The following HLA-F variants were observed in gnomAD, a reference collection of about 807,000 sequenced individuals.
HLA-F encodes the protein major histocompatibility complex, class I, F.
HLA-F carries 46 observed loss-of-function variants against 49.5 expected under a neutral mutation model. The observed-to-expected ratio is 0.93, with a 90% CI of 0.73 to 1.19. The LOEUF is 1.19. Among genes scored for constraint, HLA-F ranks in the 50% most tolerant of loss-of-function variants. HLA-F has a pLI of 0.00. For synonymous variants in HLA-F, 203 were observed against 233.5 expected (o/e 0.87, Z 1.19); for missense variants, 496 against 579.6 (o/e 0.86, Z 1.48).
intron 3 of HLA-F, among the ~76,000 whole-genome samples, chr6:29,737,218 C>CAAAAAAAAAAAAAAAAAAA (rs3030698): frequency 9.2e-5 from 6 of 65,202 alleles, no homozygotes; most frequent in African/African-American, 1.5e-4. Context: ...ATCCTCATGG[C>CAAAAAAAAAAAAAAAAAAA]AAAAAAAAAA....
chr6:29,730,147 A>G (rs1776445919), downstream of HLA-F, among the ~76,000 whole-genome samples: 1 of 152,208 alleles, frequency 6.6e-6, no homozygotes, highest in South Asian at 2.1e-4. Flanking sequence ...CAATGGCCAA[A>G]AGGTGGAAGC....
downstream of HLA-F, chr6:29,727,943 C>CT (rs750254585): frequency 1.9e-6 from 1 of 518,620 alleles, no homozygotes; most frequent in South Asian, 1.4e-5. Flanking sequence ...TTCCGGATCA[C>CT]TTTCCCTCTA....
chr6:29,725,484 C>T lies in HLA-F; in HGVS notation c.924C>T (p.Ile308=), dbSNP rs16895512. The T allele has an allele frequency of 4.3e-6, 7 of 1,614,010 alleles. No homozygotes were observed. The highest frequency in any genetic ancestry group is 4.5e-5 in the East Asian group (2 of 44,888). The change falls in exon 5 of 7, where the codon ATC becomes ATT. Residue 308 remains isoleucine (I), a synonymous_variant. Transcript: ENST00000259951. ...AGCCCACCATCCCCATCGTGGGCAT[C>T]GTTGCTGGCCTTGTTGTCCTTGGAG... ...SPQPTIPIVG[I]VAGLVVLGAV...
In HLA-F at chr6:29,726,361, C is replaced by T. The variant is rs776910487; in HGVS notation, c.1036+318C>T. The T allele has an allele frequency of 5.0e-6, 8 of 1,606,972 alleles. No homozygotes were observed. In the Admixed American group the frequency reaches 1.3e-4, roughly 27 times the overall value. ...GGGCTATTTAGAGTGTTACCTCTCA[C>T]TGTGACTGATACGAATTTGTTCATG... is the stretch of plus-strand genomic sequence containing the variant. On this transcript the variant is annotated intron_variant, in intron 6 of 6. Transcript: ENST00000259951.
At chr6:29,728,699 C>A (rs150248427), downstream of HLA-F, 1 of 152,180 alleles carries the variant, frequency 6.6e-6, no homozygotes, top group Non-Finnish European at 1.5e-5. Flanking sequence ...TCCCAGACAG[C>A]AGCTCAAAAT....
Position 29,727,145 on chromosome 6 carries a change from GA to G in HLA-F, c.1303del (p.Arg435GlyfsTer12). Reference sequence around the variant, plus strand: ...TTCTTCGTTCTTGGCACCATCTTATGAAAAGGGTCCAGATTAAGATTTTTGA... The same window carrying G: ...TTCTTCGTTCTTGGCACCATCTTATGAAAGGGTCCAGATTAAGATTTTTGA... ...FLLRSWHHLM[K>X]RVQIKIFD On this transcript the variant is annotated frameshift_variant, in exon 7 of 7. Coordinates refer to ENST00000259951, the MANE Select transcript of HLA-F (RefSeq NM_001098479.2). LOFTEE classifies it high-confidence loss of function. 1.2e-6 allele frequency: 2 copies of G among 1,602,420 alleles called. No homozygotes were observed. Among genetic ancestry groups the G allele is most frequent in the South Asian group, 1.1e-5 (1 of 89,084 alleles).
Position 29,727,179 on chromosome 6 carries a change from A to T in HLA-F, c.*4A>T. 6.4e-7 allele frequency: 1 copy of T among 1,567,204 alleles called. No individual in the cohort carries two copies. Among genetic ancestry groups the T allele is most frequent in the Non-Finnish European group, 8.6e-7 (1 of 1,161,694 alleles). On this transcript the variant is annotated 3_prime_UTR_variant, in exon 7 of 7. Transcript: ENST00000259951. ...CCAGATTAAGATTTTTGACTGAGTC[A>T]TTCTAAAGTAAGTTGCAAGACCCAT... is the stretch of plus-strand genomic sequence containing the variant.
rs376122956 is a variant in HLA-F, at chr6:29,734,541, TAGG to T, written c.404-3578_404-3576del. On this transcript the variant is annotated intron_variant, in intron 3 of 4. Transcript: ENST00000465459. Reference sequence around the variant, plus strand: ...CAGAAGAACAAGGGTGAGCTCTGAGTAGGAGATGACATCCTGAGGGGGAAAGAC... The same window carrying T: ...CAGAAGAACAAGGGTGAGCTCTGAGTAGATGACATCCTGAGGGGGAAAGAC... 8.5e-5 allele frequency among the ~76,000 whole-genome samples: 13 copies of T among 152,214 alleles called. No individual in the cohort carries two copies. The South Asian group carries it at 1.5e-3, about 17-fold the overall frequency.
rs111228498 is a variant in HLA-F, at chr6:29,727,055, C to T, written c.1209C>T (p.Asn403=). The change falls in exon 7 of 7, where the codon AAC becomes AAT. Residue 403 remains asparagine (N), a synonymous_variant. Coordinates refer to ENST00000259951, the MANE Select transcript of HLA-F (RefSeq NM_001098479.2). Reference sequence around the variant, plus strand: ...TTTTGTGGCTGTGGACATCTTTCAACACTGCCTTCTTGGCCTTGCAAAGCC... The same window carrying T: ...TTTTGTGGCTGTGGACATCTTTCAATACTGCCTTCTTGGCCTTGCAAAGCC... ...LFFLWLWTSF[N]TAFLALQSLR... 3.8e-4 allele frequency: 619 copies of T among 1,613,248 alleles called. 7 individuals carry two copies. The highest frequency in any genetic ancestry group is 3.8e-3 in the Middle Eastern group (23 of 6,046).
Position 29,726,899 on chromosome 6 carries a change from C to T in HLA-F, c.1053C>T (p.Ser351=), listed in dbSNP as rs778687923. 1.2e-5 allele frequency: 20 copies of T among 1,603,848 alleles called. No individual in the cohort carries two copies. Among genetic ancestry groups the T allele is most frequent in the Admixed American group, 1.7e-5 (1 of 59,984 alleles). Residue 351 remains serine (S), a synonymous_variant, in exon 7 of 7, where the codon AGC becomes AGT. Coordinates refer to ENST00000259951, the MANE Select transcript of HLA-F (RefSeq NM_001098479.2). The stretch of plus-strand genomic sequence containing the variant: ...TCTTCACAGCCTACTCAGTGGTCAG[C>T]GGAAACTTGATGATAACATGGTGGT... The part of the protein sequence containing the change: ...YSQAAAYSVV[S]GNLMITWWSS...
At position 29,725,243 on chromosome 6, in the gene HLA-F, G is replaced by A. The variant is rs761567130; in HGVS notation, c.823G>A (p.Glu275Lys). 8.7e-6 allele frequency: 14 copies of A among 1,613,420 alleles called. No individual in the cohort carries two copies. The African/African-American group carries it at 1.1e-4, about 12-fold the overall frequency. Residue 275 changes from glutamate to lysine, a missense_variant, in exon 4 of 7, where the codon GAA becomes AAA. By Grantham distance (56) the Glu-to-Lys change is moderately conservative. Coordinates refer to ENST00000259951, the MANE Select transcript of HLA-F (RefSeq NM_001098479.2). ...WAAVVVPPGE[E>K]QRYTCHVQHE... ...CGCTGTGGTGGTGCCTCCTGGAGAG[G>A]AACAGAGATACACATGCCATGTGCA...
At chr6:29,724,045 AC>A in intron 2 of HLA-F, 118 bp downstream of exon 2, 1 of 1,545,818 alleles carries the variant, frequency 6.5e-7, no homozygotes, top group African/African-American at 1.4e-5. Context: ...ACCCGCCCAG[AC>A]CCTCCACCCG....
At chr6:29,731,524 TGA>T (rs9278280), downstream of HLA-F, among the ~76,000 whole-genome samples, 6 of 150,276 alleles carry the variant, frequency 4.0e-5, no homozygotes, top group Admixed American at 1.3e-4. Flanking sequence ...TGTCCCAGAT[TGA>T]GAGAGAGAGA....
intron 6 of HLA-F, chr6:29,726,559 A>ATG (rs9278276): frequency 0.35 from 475,373 of 1,349,476 alleles, 37,014 homozygotes; most frequent in Non-Finnish European, 0.37. Context: ...ATGCACGTAA[A>ATG]TGTGTGTGTG....
At chr6:29,726,269 G>A in intron 6 of HLA-F, 3 of 1,038,978 alleles carry the variant, frequency 2.9e-6, no homozygotes, top group East Asian at 2.4e-5. Context: ...TGGGGTGTTG[G>A]GGGGGAACAG....
downstream of HLA-F, among the ~76,000 whole-genome samples, chr6:29,731,138 A>G (rs2127594770): frequency 6.6e-6 from 1 of 152,274 alleles, no homozygotes; most frequent in South Asian, 2.1e-4. Flanking sequence ...ATCAGTGGCA[A>G]TTATCACTGA....
downstream of HLA-F, among the ~76,000 whole-genome samples, chr6:29,729,916 G>A (rs2735058): frequency 0.084 from 12,777 of 152,260 alleles, 695 homozygotes; most frequent in Non-Finnish European, 0.12. Flanking sequence ...ACTAGTCCAA[G>A]TGTTGGCGAA....
chr6:29,737,329 C>T (rs1583294105), intron 3 of HLA-F, among the ~76,000 whole-genome samples: 3 of 151,106 alleles, frequency 2.0e-5, no homozygotes, highest in Admixed American at 2.0e-4. Context: ...CCTTGGGGTG[C>T]AATCTGCAAA....
chr6:29,735,351 GTATATATA>G (rs1554230959), intron 3 of HLA-F: 4 of 113,954 alleles, frequency 3.5e-5, no homozygotes, highest in East Asian at 3.9e-4. Flanking sequence ...GTATATATAT[GTATATATA>G]TGTGTGTATA....
Sources: allele counts gnomAD v4.1 joint callset (sites outside exome capture counted in the v4.1 genomes callset), GRCh38; gene constraint gnomAD v4.1.1; transcripts MANE v1.5; gene names NCBI Gene and HGNC (gene_info 2026-07-23, HGNC 2026-07-21).